The following NECTIN1 variants were observed in gnomAD, a reference collection of about 807,000 sequenced individuals.
The protein encoded by NECTIN1 is nectin cell adhesion molecule 1.
A neutral mutation model predicts 48.0 loss-of-function variants in NECTIN1; 23 were observed. That is an observed-to-expected ratio of 0.48 (90% confidence interval 0.34 to 0.68). The LOEUF is 0.68. NECTIN1 is among the 30% of genes least tolerant of loss of function. The pLI is 0.01. For missense variants in NECTIN1, 591 were observed against 709.9 expected (o/e 0.83, Z 1.90); for synonymous variants, 270 against 288.9 (o/e 0.93, Z 0.66).
Position 119,692,594 on chromosome 11 carries a change from G to T in NECTIN1, c.80-13829C>A, listed in dbSNP as rs200545878. Among the ~76,000 whole-genome samples the T allele has an allele frequency of 9.8e-5, 15 of 152,366 alleles. No homozygotes were observed. The East Asian group carries it at 2.9e-3, about 29-fold the overall frequency. ...ACAAAAGGGTCAGGTTCCCTGCCAG[G>T]CCCCTCCCAAAGGATGGCAAGAACA... On this transcript the variant is annotated intron_variant, in intron 1 of 5. Transcript: ENST00000264025.
chr11:119,669,342 T>C (rs995261170), intron 5 of NECTIN1, among the ~76,000 whole-genome samples: 1 of 147,626 alleles, frequency 6.8e-6, no homozygotes, highest in Non-Finnish European at 1.5e-5. Context: ...AGCTGGGAGG[T>C]GGAGGTTGCA....
At chr11:119,688,200 T>G (rs1213094839) in intron 1 of NECTIN1, among the ~76,000 whole-genome samples, 2 of 152,218 alleles carry the variant, frequency 1.3e-5, no homozygotes, top group African/African-American at 4.8e-5. Context: ...CTCCTAGGGC[T>G]GATTTGAGGA....
chr11:119,645,322 C>T (rs1565375001), intron 5 of NECTIN1, among the ~76,000 whole-genome samples: 1 of 152,174 alleles, frequency 6.6e-6, no homozygotes, highest in African/African-American at 2.4e-5. Context: ...CCTGGCCAAC[C>T]CTCCTGTGTT....
At position 119,684,465 on chromosome 11, in the gene NECTIN1, G is replaced by A. The variant is rs1272360645; in HGVS notation, c.80-5700C>T. Among the ~76,000 whole-genome samples, 1 of 152,224 alleles carries A rather than the reference G, an allele frequency of 6.6e-6. No individual in the cohort carries two copies. Among genetic ancestry groups the A allele is most frequent in the Non-Finnish European group, 1.5e-5 (1 of 68,040 alleles). On this transcript the variant is annotated intron_variant, in intron 1 of 5. Transcript: ENST00000264025. The surrounding 1 kb of genome is among the most constrained non-coding windows in gnomAD (Gnocchi z 5.2). ...GGCCTCTGTGAAATCGATATCCTTC[G>A]GGATGCATTTCTAGGGCTTTCCAGG...
chr11:119,639,823 A>C, intron 6 of NECTIN1: 1 of 1,613,600 alleles, frequency 6.2e-7, no homozygotes, highest in African/African-American at 1.3e-5. Flanking sequence ...GCTGGGGAGC[A>C]GACCAGTGGG....
chr11:119,661,096 C>T lies in NECTIN1; in HGVS notation c.*3651G>A, dbSNP rs1020936988. 4 of 983,974 alleles carry T rather than the reference C, an allele frequency of 4.1e-6. No individual in the cohort carries two copies. Among genetic ancestry groups the T allele is most frequent in the Admixed American group, 1.2e-4 (2 of 16,266 alleles). 61.0% of individuals were successfully genotyped at this position (983,974 alleles called of 1,614,324 possible). ...CAAGTAAAAGGGGGTGATGCAAACA[C>T]CCCCCAGGTCAGAACCAGGAGGATC... On this transcript the variant is annotated 3_prime_UTR_variant, in exon 6 of 6. Transcript: ENST00000264025.
chr11:119,648,568 C>G (rs1009216986), intron 5 of NECTIN1, among the ~76,000 whole-genome samples: 1 of 150,900 alleles, frequency 6.6e-6, no homozygotes, highest in Non-Finnish European at 1.5e-5. Flanking sequence ...GGCAGAGCAA[C>G]GGGCCTGAGA....
At chr11:119,695,466 A>G (rs1372851363) in intron 1 of NECTIN1, among the ~76,000 whole-genome samples, 3 of 152,108 alleles carry the variant, frequency 2.0e-5, no homozygotes, top group African/African-American at 7.2e-5. Flanking sequence ...CTGTGCCATG[A>G]AGACAGACGT....
intron 1 of NECTIN1, among the ~76,000 whole-genome samples, chr11:119,708,816 T>C (rs565821932): frequency 1.3e-5 from 2 of 152,042 alleles, no homozygotes; most frequent in Non-Finnish European, 2.9e-5. Flanking sequence ...TGAAGAAGGA[T>C]GGATGATGGC....
In NECTIN1 at chr11:119,664,360, T is replaced by A. The variant is rs1864723545; in HGVS notation, c.*387A>T. On this transcript the variant is annotated 3_prime_UTR_variant, in exon 6 of 6. Coordinates refer to ENST00000264025, the MANE Select transcript of NECTIN1 (RefSeq NM_002855.5). Reference sequence around the variant, plus strand: ...AGCCCCTTGAGCCCTCCACCCCCAGTGAAGAAACACAAACAAATTCCAGTG... The same window carrying A: ...AGCCCCTTGAGCCCTCCACCCCCAGAGAAGAAACACAAACAAATTCCAGTG... 1 of 1,032,282 alleles carries A rather than the reference T, an allele frequency of 9.7e-7. No homozygotes were observed. Among genetic ancestry groups the A allele is most frequent in the Non-Finnish European group, 1.2e-6 (1 of 859,184 alleles). 63.9% of individuals were successfully genotyped at this position (1,032,282 alleles called of 1,614,324 possible).
chr11:119,659,867 T>TA (rs775519140), downstream of NECTIN1, among the ~76,000 whole-genome samples: 87 of 152,216 alleles, frequency 5.7e-4, no homozygotes, highest in Non-Finnish European at 9.6e-4. Context: ...CTGCACAAAT[T>TA]AAAAATTAAC....
intron 6 of NECTIN1, chr11:119,639,573 C>T (rs1864293181): frequency 4.0e-6 from 2 of 500,404 alleles, no homozygotes. Context: ...GCCTCAGTTT[C>T]CTCACTATAA....
In NECTIN1 at chr11:119,663,616, C is replaced by G. The variant is rs921802325; in HGVS notation, c.*1131G>C. ...CCATGTGGGCTTCCTTCCCCACTAC[C>G]CTCCGTGTGGATGCTTCTTTACCTC... On this transcript the variant is annotated 3_prime_UTR_variant, in exon 6 of 6. Transcript: ENST00000264025. 1 of 985,548 alleles carries G rather than the reference C, an allele frequency of 1.0e-6. No individual in the cohort carries two copies. Among genetic ancestry groups the G allele is most frequent in the Non-Finnish European group, 1.2e-6 (1 of 829,988 alleles). The allele number at this position is 985,548 out of a possible 1,614,324, so 61.1% of individuals were successfully genotyped here. A position where few individuals can be genotyped will look rare whatever the true frequency, so the allele number is the denominator to read the frequency against.
intron 5 of NECTIN1, among the ~76,000 whole-genome samples, chr11:119,648,289 ATGG>A (rs1263768008): frequency 0.13 from 1,321 of 10,476 alleles, 182 homozygotes; most frequent in East Asian, 0.17. Context: ...GGTGGTGGTG[ATGG>A]TGGTGGTGGT....
At chr11:119,706,578 T>C (rs1865551861) in intron 1 of NECTIN1, among the ~76,000 whole-genome samples, 1 of 152,220 alleles carries the variant, frequency 6.6e-6, no homozygotes, top group South Asian at 2.1e-4. Flanking sequence ...CTAGAAAATA[T>C]AGTATTGATT....
At position 119,664,394 on chromosome 11, in the gene NECTIN1, C is replaced by T. The variant is rs1027495562; in HGVS notation, c.*353G>A. On this transcript the variant is annotated 3_prime_UTR_variant, in exon 6 of 6. Coordinates refer to ENST00000264025, the MANE Select transcript of NECTIN1 (RefSeq NM_002855.5). The stretch of plus-strand genomic sequence containing the variant: ...ACAAACAAATTCCAGTGTAGGGGGG[C>T]GGGGGAGGCTGGCTCCCCAAACCCT... The T allele has an allele frequency of 2.2e-5, 24 of 1,075,514 alleles. No individual in the cohort carries two copies. Among genetic ancestry groups the T allele is most frequent in the South Asian group, 1.9e-4 (5 of 26,610 alleles). 66.6% of individuals were successfully genotyped at this position (1,075,514 alleles called of 1,614,324 possible).
chr11:119,662,621 C>T lies in NECTIN1; in HGVS notation c.*2126G>A. 8 of 985,578 alleles carry T rather than the reference C, an allele frequency of 8.1e-6. No individual in the cohort carries two copies. The highest frequency in any genetic ancestry group is 9.6e-6 in the Non-Finnish European group (8 of 829,978). The allele number at this position is 985,578 out of a possible 1,614,324, so 61.1% of individuals were successfully genotyped here. On this transcript the variant is annotated 3_prime_UTR_variant, in exon 6 of 6. Coordinates refer to ENST00000264025, the MANE Select transcript of NECTIN1 (RefSeq NM_002855.5). This position sits in a 1 kb window ranked among gnomAD's most constrained non-coding sequence, Gnocchi z 5.3. ...GGAAATGCCTCTATCAGGCAGGCCC[C>T]TGGGATTGCCTCCTGCCTGGGGGAA...
chr11:119,725,135 T>C (rs921496745), intron 1 of NECTIN1, among the ~76,000 whole-genome samples: 5 of 152,198 alleles, frequency 3.3e-5, no homozygotes, highest in African/African-American at 1.2e-4. Flanking sequence ...GGCAGTATCA[T>C]AGACAGCAAC....
At position 119,639,736 on chromosome 11, in the gene NECTIN1, C is replaced by A; in HGVS notation, c.1151+129G>T. On this transcript the variant is annotated intron_variant, in intron 6 of 7. Transcript: ENST00000341398. Reference sequence around the variant, plus strand: ...TCCTGCCAAAGGGTTAGTTCCTGGTCCCCCAGGGTGGGGAGGCCCTAGAAA... The same window carrying A: ...TCCTGCCAAAGGGTTAGTTCCTGGTACCCCAGGGTGGGGAGGCCCTAGAAA... 6 of 1,241,406 alleles carry A rather than the reference C, an allele frequency of 4.8e-6. No individual in the cohort carries two copies. In the South Asian group the frequency reaches 6.3e-5, roughly 13 times the overall value. 76.9% of individuals were successfully genotyped at this position (1,241,406 alleles called of 1,614,324 possible).
Sources: gnomAD v4.1 joint callset for allele counts (sites outside exome capture counted in the v4.1 genomes callset) on GRCh38, gnomAD v4.1.1 for gene constraint, Gnocchi (gnomAD v3.1) non-coding constraint, MANE v1.5 for transcripts, NCBI Gene and HGNC (gene_info 2026-07-23, HGNC 2026-07-21) for gene names.